The following USH2A variants were observed in gnomAD, a reference collection of about 807,000 sequenced individuals.
The protein encoded by USH2A is Usher syndrome 2A (autosomal recessive, mild).
In USH2A, 443 loss-of-function variants were observed where a neutral mutation model predicts 538.9. The observed-to-expected ratio is 0.82, with a 90% CI of 0.76 to 0.89. USH2A has a LOEUF of 0.89. USH2A is among the 40% of genes least tolerant of loss of function. The pLI is 0.00. For missense variants in USH2A, 6,633 were observed against 6,324.8 expected, an observed-to-expected ratio of 1.05 and a Z score of -1.65; for synonymous variants, 2,413 against 2,273.5, an observed-to-expected ratio of 1.06 and a Z score of -1.75.
At chr1:215,936,180 C>T (rs558186288) in intron 37 of USH2A, among the ~76,000 whole-genome samples, 1 of 152,068 alleles carries the variant, frequency 6.6e-6, no homozygotes, top group South Asian at 2.1e-4. Flanking sequence ...TGATATTGAG[C>T]TTCAAAGAGA....
At chr1:215,861,092 C>T (rs1483226511) in intron 44 of USH2A, among the ~76,000 whole-genome samples, 1 of 152,130 alleles carries the variant, frequency 6.6e-6, no homozygotes, top group Non-Finnish European at 1.5e-5. Flanking sequence ...GGCAATAATC[C>T]TTCAAGTCAG....
chr1:215,868,073 C>T (rs1018388143), intron 43 of USH2A, among the ~76,000 whole-genome samples: 1 of 152,120 alleles, frequency 6.6e-6, no homozygotes, highest in Admixed American at 6.6e-5. Flanking sequence ...GCATCCAGGA[C>T]ACAGGGCAAA....
intron 30 of USH2A, among the ~76,000 whole-genome samples, chr1:216,053,500 C>A (rs1334356915): frequency 1.4e-5 from 2 of 145,938 alleles, no homozygotes; most frequent in Non-Finnish European, 3.0e-5. Context: ...ACAAGGCAGG[C>A]CAGATGACCT....
intron 60 of USH2A, among the ~76,000 whole-genome samples, chr1:215,732,134 C>T (rs138111475): frequency 3.3e-5 from 5 of 152,220 alleles, no homozygotes; most frequent in Admixed American, 6.5e-5. Flanking sequence ...CAACAGTTTA[C>T]GTAAGAATAA....
At chr1:216,000,692 A>C in intron 32 of USH2A, 130 bp from the exon 33 acceptor site, 1 of 1,140,778 alleles carries the variant, frequency 8.8e-7, no homozygotes, top group Admixed American at 1.9e-5. Flanking sequence ...AATAGCCATA[A>C]AAATCAATAG....
At chr1:215,932,056 CTTA>C (rs1361622470) in intron 38 of USH2A, among the ~76,000 whole-genome samples, 1 of 151,840 alleles carries the variant, frequency 6.6e-6, no homozygotes, top group Non-Finnish European at 1.5e-5. Context: ...CAACTCTTTT[CTTA>C]TTATGTTTTA....
intron 21 of USH2A, among the ~76,000 whole-genome samples, chr1:216,117,158 A>G (rs765510548): frequency 2.0e-5 from 3 of 152,226 alleles, no homozygotes; most frequent in Admixed American, 1.3e-4. Context: ...ATTTTACTAA[A>G]ATGGCATTGT....
chr1:215,863,669 G>A (rs1209444370), intron 44 of USH2A, among the ~76,000 whole-genome samples: 1 of 152,016 alleles, frequency 6.6e-6, no homozygotes, highest in Non-Finnish European at 1.5e-5. Context: ...GAGAGAGAGG[G>A]TAGAAGAAGA....
chr1:215,847,207 A>G (rs1050949120), intron 44 of USH2A, among the ~76,000 whole-genome samples: 1 of 152,152 alleles, frequency 6.6e-6, no homozygotes, highest in African/African-American at 2.4e-5. Flanking sequence ...GAAAACAGCC[A>G]TATTTTCTTA....
chr1:216,023,688 A>G (rs1236575732), intron 32 of USH2A, among the ~76,000 whole-genome samples: 1 of 152,040 alleles, frequency 6.6e-6, no homozygotes, highest in Non-Finnish European at 1.5e-5. Context: ...ATGCACATCG[A>G]AAGTATGCGT....
At chr1:215,667,393 A>G (rs1045629946) in intron 64 of USH2A, among the ~76,000 whole-genome samples, 3 of 152,060 alleles carry the variant, frequency 2.0e-5, no homozygotes, top group Non-Finnish European at 4.4e-5. Context: ...CTCCCTCTCT[A>G]TAAGTATCCA....
intron 11 of USH2A, among the ~76,000 whole-genome samples, chr1:216,261,827 G>A (rs2102567449): frequency 6.6e-6 from 1 of 152,224 alleles, no homozygotes; most frequent in South Asian, 2.1e-4. Flanking sequence ...TCCTAAGCTA[G>A]GTGACCCATC....
chr1:216,343,525 T>A (rs867501035), intron 4 of USH2A, among the ~76,000 whole-genome samples: 2,657 of 135,364 alleles, frequency 0.02, 89 homozygotes, highest in African/African-American at 0.066. Flanking sequence ...TACTACATCT[T>A]AAAAAAAAAA....
chr1:215,985,365 C>T (rs188081452), intron 35 of USH2A, among the ~76,000 whole-genome samples: 104 of 152,244 alleles, frequency 6.8e-4, no homozygotes, highest in African/African-American at 2.3e-3. Context: ...TTAAATTCTA[C>T]ATTATAAGCC....
intron 47 of USH2A, among the ~76,000 whole-genome samples, chr1:215,834,756 G>A (rs1663427596): frequency 6.6e-6 from 1 of 151,150 alleles, no homozygotes; most frequent in South Asian, 2.1e-4. Flanking sequence ...TTGGTTCTGG[G>A]ATACTTTCTT....
chr1:215,940,489 A>AT (rs1228457146), intron 37 of USH2A, among the ~76,000 whole-genome samples: 3 of 151,950 alleles, frequency 2.0e-5, no homozygotes, highest in Non-Finnish European at 4.4e-5. Context: ...TCCAGATTCC[A>AT]TTTTTCTGAT....
chr1:215,711,543 T>C (rs948081868), intron 61 of USH2A, among the ~76,000 whole-genome samples: 2 of 152,220 alleles, frequency 1.3e-5, no homozygotes, highest in African/African-American at 4.8e-5. Context: ...AAATTCTAGA[T>C]ACATTTAACA....
intron 38 of USH2A, among the ~76,000 whole-genome samples, chr1:215,909,278 A>G (rs1665715748): frequency 1.3e-5 from 2 of 151,866 alleles, no homozygotes; most frequent in African/African-American, 4.8e-5. Context: ...AGAGTTTGCC[A>G]GGGGTTGGGG....
chr1:215,629,660 C>T (rs1004047415), intron 70 of USH2A, among the ~76,000 whole-genome samples: 10 of 151,902 alleles, frequency 6.6e-5, no homozygotes, highest in African/African-American at 2.4e-4. Flanking sequence ...AAAGTCACTA[C>T]ATAATTTAGA....
Sources: gnomAD v4.1 joint callset for allele counts (sites outside exome capture counted in the v4.1 genomes callset) on GRCh38, gnomAD v4.1.1 for gene constraint, MANE v1.5 for transcripts, NCBI Gene and HGNC (gene_info 2026-07-23, HGNC 2026-07-21) for gene names.